Variants in FUBP3 observed in about 807,000 individuals in gnomAD.
FUBP3 encodes far upstream element-binding protein 3.
FUBP3 carries 28 observed loss-of-function variants against 85.6 expected under a neutral mutation model. That is an observed-to-expected ratio of 0.33 (90% CI 0.24 to 0.45). FUBP3 has a LOEUF of 0.45. FUBP3 is among the 20% of genes least tolerant of loss of function. The pLI is 1.00. For missense variants in FUBP3, 583 were observed against 755.1 expected (o/e 0.77, Z 2.67); for synonymous variants, 271 against 271.4 (o/e 1.00, Z 0.01).
At chr9:130,600,936 A>C (rs1831124736) in intron 2 of FUBP3, among the ~76,000 whole-genome samples, 1 of 152,098 alleles carries the variant, frequency 6.6e-6, no homozygotes, top group Non-Finnish European at 1.5e-5. Flanking sequence ...TGATCGCACC[A>C]CTGCACTCCG....
chr9:130,588,666 A>T (rs1473564258), intron 1 of FUBP3, among the ~76,000 whole-genome samples: 1 of 152,228 alleles, frequency 6.6e-6, no homozygotes, highest in Non-Finnish European at 1.5e-5. Flanking sequence ...GGAGAATAGT[A>T]GCTACTTTAG....
Position 130,614,275 on chromosome 9 carries a change from ATTC to A in FUBP3, c.347-7_347-5del. Reference sequence around the variant, plus strand: ...CCCACCAACACCCCTCATCTTCTTGATTCTTCTTATAGAGAGTTCTGGGATTCC... The same window carrying A: ...CCCACCAACACCCCTCATCTTCTTGATTCTTATAGAGAGTTCTGGGATTCC... On this transcript the variant is annotated splice_polypyrimidine_tract_variant and intron_variant, in intron 5 of 18. Coordinates refer to ENST00000319725, the MANE Select transcript of FUBP3 (RefSeq NM_003934.2). 1 of 1,584,068 alleles carries A rather than the reference ATTC, an allele frequency of 6.3e-7. No individual in the cohort carries two copies. The highest frequency in any genetic ancestry group is 8.7e-7 in the Non-Finnish European group (1 of 1,153,574).
intron 2 of FUBP3, among the ~76,000 whole-genome samples, chr9:130,599,385 A>ATATATG (rs1564197887): frequency 6.9e-6 from 1 of 145,718 alleles, no homozygotes; most frequent in East Asian, 2.0e-4. Flanking sequence ...GTGTGTGTGT[A>ATATATG]TATATATATA....
chr9:130,613,003 G>C lies in FUBP3; in HGVS notation c.322G>C (p.Gly108Arg). ...GATTTCACGGATTCAAGCAGAATCT[G>C]GTTGCAAAATTCAGATTGCTTCAGG... ...EQISRIQAESGCKIQIASESS... is the reference protein window; with the variant it reads ...EQISRIQAESRCKIQIASESS... Residue 108 changes from glycine (G) to arginine (R), a missense_variant, in exon 5 of 19, where the codon GGT (glycine) becomes CGT (arginine). Transcript: ENST00000319725. 1 of 1,612,240 alleles carries C rather than the reference G, an allele frequency of 6.2e-7. No homozygotes were observed. The highest frequency in any genetic ancestry group is 1.1e-5 in the South Asian group (1 of 91,006).
Position 130,595,578 on chromosome 9 carries a change from G to C in FUBP3, c.180G>C (p.Leu60Phe), listed in dbSNP as rs1018538736. Reference sequence around the variant, plus strand: ...GATACGGAGTACAAAAACGGCCCTTGGATGATGGAGGTAAGTTGCCAGAAA... The same window carrying C: ...GATACGGAGTACAAAAACGGCCCTTCGATGATGGAGGTAAGTTGCCAGAAA... Reference protein sequence around the residue: ...VYGYGVQKRPLDDGVGNQLGA... With the variant: ...VYGYGVQKRPFDDGVGNQLGA... Residue 60 changes from leucine to phenylalanine, a missense_variant, in exon 2 of 19, where the codon TTG becomes TTC. Leu to Phe is a conservative substitution (Grantham distance 22). Transcript: ENST00000319725. 3 of 1,438,498 alleles carry C rather than the reference G, an allele frequency of 2.1e-6. No homozygotes were observed. The highest frequency in any genetic ancestry group is 2.9e-6 in the Non-Finnish European group (3 of 1,019,498). 89.1% of individuals were successfully genotyped at this position (1,438,498 alleles called of 1,614,324 possible).
intron 12 of FUBP3, among the ~76,000 whole-genome samples, chr9:130,628,086 G>A (rs73656028): frequency 0.022 from 2,018 of 91,886 alleles, 55 homozygotes; most frequent in African/African-American, 0.086. Flanking sequence ...CTAAACACAC[G>A]CACGCACGCA....
rs983053108 is a variant in FUBP3, at chr9:130,616,565, T to G, written c.567+48T>G. Reference sequence around the variant, plus strand: ...GCACAGCGGCCGCTCGCAGCAGGTCTTCAGCTTCCTGGCCCAGGAGATCTG... The same window carrying G: ...GCACAGCGGCCGCTCGCAGCAGGTCGTCAGCTTCCTGGCCCAGGAGATCTG... On this transcript the variant is annotated intron_variant, in intron 7 of 18. Transcript: ENST00000319725. This position sits in a 1 kb window ranked among gnomAD's most constrained non-coding sequence, Gnocchi z 4.7. 14 of 1,574,886 alleles carry G rather than the reference T, an allele frequency of 8.9e-6. No individual in the cohort carries two copies. The Admixed American group carries it at 1.3e-4, about 15-fold the overall frequency.
chr9:130,589,705 ATTTTTTTTTTT>A (rs779633795), intron 1 of FUBP3, among the ~76,000 whole-genome samples: 8 of 73,834 alleles, frequency 1.1e-4, no homozygotes, highest in South Asian at 4.7e-4. Flanking sequence ...ATATATATAT[ATTTTTTTTTTT>A]TTTTTTTTTT....
In FUBP3 at chr9:130,626,454, G is replaced by T. The variant is rs1382907990; in HGVS notation, c.1066G>T (p.Glu356Ter). The change falls in exon 12 of 19, where the codon GAG becomes TAG. Residue 356 changes from glutamate (E) to a stop codon, truncating the protein, a stop_gained. Coordinates refer to ENST00000319725, the MANE Select transcript of FUBP3 (RefSeq NM_003934.2). LOFTEE classifies it high-confidence loss of function. ...WSVGAPGGVQEITYTVPADKC... is the reference protein window; with the variant it reads ...WSVGAPGGVQ The stretch of plus-strand genomic sequence containing the variant: ...CGTGGGAGCCCCTGGTGGCGTCCAG[G>T]AGATAACATACACGGTGCCAGCCGA... 1 of 1,614,194 alleles carries T rather than the reference G, an allele frequency of 6.2e-7. No homozygotes were observed. The highest frequency in any genetic ancestry group is 8.5e-7 in the Non-Finnish European group (1 of 1,180,044).
chr9:130,634,181 T>C (rs1830326131), intron 16 of FUBP3, among the ~76,000 whole-genome samples: 1 of 152,168 alleles, frequency 6.6e-6, no homozygotes, highest in Non-Finnish European at 1.5e-5. Context: ...ATGCACCCCC[T>C]TTCCCTCTGC....
chr9:130,591,039 C>T (rs1410575121), intron 1 of FUBP3, among the ~76,000 whole-genome samples: 1 of 146,044 alleles, frequency 6.8e-6, no homozygotes, highest in East Asian at 2.0e-4. Flanking sequence ...AAACTGAAAG[C>T]AAGTTTATTA....
At chr9:130,609,614 T>G (rs1399258662) in intron 2 of FUBP3, among the ~76,000 whole-genome samples, 2 of 152,228 alleles carry the variant, frequency 1.3e-5, no homozygotes, top group Non-Finnish European at 2.9e-5. Flanking sequence ...TCTCTTTCCA[T>G]CTTTACATTG....
At chr9:130,630,324 A>C (rs1031786433) in intron 12 of FUBP3, among the ~76,000 whole-genome samples, 2 of 152,228 alleles carry the variant, frequency 1.3e-5, no homozygotes, top group Non-Finnish European at 2.9e-5. Context: ...CACAGGCCTC[A>C]GCCCAGACCT....
chr9:130,595,564 CA>C lies in FUBP3; in HGVS notation c.171del (p.Lys57AsnfsTer8). ...CCCCTCAGTATATGGATACGGAGTA[CA>C]AAAACGGCCCTTGGATGATGGAGGT... ...VDPSVYGYGV[Q>X]KRPLDDGVGN... On this transcript the variant is annotated frameshift_variant, in exon 2 of 19. Coordinates refer to ENST00000319725, the MANE Select transcript of FUBP3 (RefSeq NM_003934.2). LOFTEE classifies it high-confidence loss of function. 10 of 1,537,912 alleles carry C rather than the reference CA, an allele frequency of 6.5e-6. No homozygotes were observed. The highest frequency in any genetic ancestry group is 2.3e-5 in the East Asian group (1 of 44,190).
chr9:130,605,519 C>T (rs1014901562), intron 2 of FUBP3, among the ~76,000 whole-genome samples: 5 of 152,224 alleles, frequency 3.3e-5, no homozygotes, highest in East Asian at 1.9e-4. Flanking sequence ...GCAGTGTGAT[C>T]GCACCTTCCT....
intron 18 of FUBP3, 163 bp downstream of exon 18, chr9:130,636,289 G>C (rs1188043123): frequency 1.3e-6 from 1 of 753,070 alleles, no homozygotes; most frequent in Non-Finnish European, 2.3e-6. Flanking sequence ...CCCGGCTCCA[G>C]CCCCTCTGTC....
intron 1 of FUBP3, among the ~76,000 whole-genome samples, chr9:130,585,467 G>A (rs1830302628): frequency 6.6e-6 from 1 of 152,276 alleles, no homozygotes; most frequent in Non-Finnish European, 1.5e-5. Flanking sequence ...CCTGTAAGCC[G>A]ATGCATGACC....
chr9:130,636,915 T>C (rs1588174054), intron 18 of FUBP3, 99 bp from the exon 19 acceptor site: 1 of 998,722 alleles, frequency 1.0e-6, no homozygotes, highest in East Asian at 2.4e-5. Flanking sequence ...AGGTTTTGTC[T>C]GGCCCAGCTC....
chr9:130,594,720 C>T (rs1338608767), intron 1 of FUBP3, among the ~76,000 whole-genome samples: 2 of 152,064 alleles, frequency 1.3e-5, no homozygotes, highest in Non-Finnish European at 2.9e-5. Context: ...GATCACATCA[C>T]TGCACTCCAG....
Sources: allele counts gnomAD v4.1 joint callset (sites outside exome capture counted in the v4.1 genomes callset), GRCh38; gene constraint gnomAD v4.1.1; non-coding constraint Gnocchi (gnomAD v3.1); transcripts MANE v1.5; gene names NCBI Gene and HGNC (gene_info 2026-07-23, HGNC 2026-07-21).